Variants in ANO1 observed in about 807,000 individuals in gnomAD.
The protein encoded by ANO1 is anoctamin-1.
A neutral mutation model predicts 124.0 loss-of-function variants in ANO1; 59 were observed. The ratio of observed to expected loss-of-function variants is 0.48; its 90% CI spans 0.39 to 0.59. ANO1 has a LOEUF of 0.59. Ranked by LOEUF, ANO1 falls within the 20% of genes least tolerant of loss-of-function variation. ANO1 has a pLI of 0.00. For missense variants in ANO1, 1,059 were observed against 1,328.0 expected, an observed-to-expected ratio of 0.80 and a Z score of 3.15; for synonymous variants, 529 against 532.0, an observed-to-expected ratio of 0.99 and a Z score of 0.08.
At chr11:70,005,782 C>G (rs777205634) in intron 1 of ANO1, among the ~76,000 whole-genome samples, 1 of 152,122 alleles carries the variant, frequency 6.6e-6, no homozygotes, top group Non-Finnish European at 1.5e-5. Flanking sequence ...CTCTCCATCT[C>G]GACCACCAAA....
chr11:70,124,691 G>T (rs2515259), intron 9 of ANO1, among the ~76,000 whole-genome samples: 148,131 of 152,162 alleles, frequency 0.97, 72,235 homozygotes, highest in East Asian at 1. Flanking sequence ...ACTGGGCGGC[G>T]GGAGGGTTTT....
intron 19 of ANO1, among the ~76,000 whole-genome samples, chr11:70,163,825 C>G (rs1447740148): frequency 6.6e-6 from 1 of 151,798 alleles, no homozygotes; most frequent in Non-Finnish European, 1.5e-5. Flanking sequence ...GTAATCCCAC[C>G]TACTCGGGAG....
At chr11:70,072,907 A>T (rs1555009509) in intron 1 of ANO1, 1 of 152,224 alleles carries the variant, frequency 6.6e-6, no homozygotes, top group African/African-American at 2.4e-5. Flanking sequence ...GAGGACCAGG[A>T]CCTGTCCTTC....
chr11:70,188,207 A>G lies in ANO1; in HGVS notation c.*203A>G. 1.5e-6 allele frequency: 1 copy of G among 647,720 alleles called. No homozygotes were observed. Among genetic ancestry groups the G allele is most frequent in the South Asian group, 2.0e-5 (1 of 49,550 alleles). 40.1% of individuals were successfully genotyped at this position (647,720 alleles called of 1,614,324 possible). The stretch of plus-strand genomic sequence containing the variant: ...TTTTGCACAAAGCCATTATGCAGGG[A>G]ATATTTTTTAATCTGTAGTATTCAA... On this transcript the variant is annotated 3_prime_UTR_variant, in exon 26 of 26. Transcript: ENST00000355303.
chr11:70,012,054 G>T, intron 1 of ANO1, among the ~76,000 whole-genome samples: 1 of 138,300 alleles, frequency 7.2e-6, no homozygotes, highest in Middle Eastern at 5.6e-3. Context: ...ATCCATTGTT[G>T]GATCTAACCA....
chr11:69,974,886 CTAAA>C, the ANO1 span, among the ~76,000 whole-genome samples: 1 of 78,554 alleles, frequency 1.3e-5, no homozygotes, highest in African/African-American at 4.0e-5. Flanking sequence ...GCCTCCGTCT[CTAAA>C]AAAAAAAAAA....
intron 1 of ANO1, chr11:70,056,552 C>T (rs190605133): frequency 1.1e-4 from 17 of 151,774 alleles, no homozygotes; most frequent in East Asian, 9.6e-4. Context: ...AAAAAAATAA[C>T]GCAAGAAAAA....
chr11:70,108,526 C>T (rs2135390744), intron 6 of ANO1, 122 bp downstream of exon 6: 1 of 1,117,544 alleles, frequency 8.9e-7, no homozygotes, highest in East Asian at 2.4e-5. Flanking sequence ...TGATTTAAGC[C>T]TGTGTAACAG....
chr11:70,107,373 G>C (rs995676288), intron 5 of ANO1, among the ~76,000 whole-genome samples: 4 of 152,038 alleles, frequency 2.6e-5, no homozygotes, highest in Non-Finnish European at 5.9e-5. Flanking sequence ...AAGGGGACAA[G>C]TGCTTCTGGG....
Position 70,094,574 on chromosome 11 carries a change from T to C in ANO1, c.441+6490T>C, listed in dbSNP as rs114940862. The stretch of plus-strand genomic sequence containing the variant: ...GTGGGCTTCCTACCAGAACCATGAG[T>C]AGGTAGGGCAGAATTTCGATCCTGA... On this transcript the variant is annotated intron_variant, in intron 2 of 25. Transcript: ENST00000355303. Among the ~76,000 whole-genome samples the C allele has an allele frequency of 8.4e-3, 1,274 of 152,140 alleles. 23 individuals carry two copies. The highest frequency in any genetic ancestry group is 0.028 in the African/African-American group (1,169 of 41,500).
chr11:70,068,152 C>A (rs939102617), intron 1 of ANO1, among the ~76,000 whole-genome samples: 1 of 152,196 alleles, frequency 6.6e-6, no homozygotes, highest in Non-Finnish European at 1.5e-5. Context: ...GCAGCTTTCC[C>A]CAGCAGCTCC....
intron 1 of ANO1, among the ~76,000 whole-genome samples, chr11:70,079,382 G>C (rs1250382473): frequency 6.6e-6 from 1 of 152,068 alleles, no homozygotes; most frequent in Non-Finnish European, 1.5e-5. Context: ...GCCTGGTTCA[G>C]GTGGGGGCAC....
intron 1 of ANO1, among the ~76,000 whole-genome samples, chr11:70,036,264 C>A (rs187771975): frequency 1.3e-5 from 2 of 152,346 alleles, no homozygotes; most frequent in Admixed American, 1.3e-4. Flanking sequence ...CCAATCTCTG[C>A]CGCTGTCTTT....
upstream of ANO1, among the ~76,000 whole-genome samples, chr11:70,077,768 G>A (rs115028992): frequency 0.016 from 2,458 of 152,292 alleles, 56 homozygotes; most frequent in African/African-American, 0.055. Context: ...ACACACTCAC[G>A]CCCTACATCA....
At chr11:70,034,491 T>C (rs1246845921) in intron 1 of ANO1, among the ~76,000 whole-genome samples, 1 of 152,154 alleles carries the variant, frequency 6.6e-6, no homozygotes, top group African/African-American at 2.4e-5. Context: ...TCTTTCATGA[T>C]CAAAGCAAAG....
chr11:70,182,577 A>G lies in ANO1; in HGVS notation c.2479A>G (p.Met827Val). 1.2e-6 allele frequency: 2 copies of G among 1,613,736 alleles called. No individual in the cohort carries two copies. Among genetic ancestry groups the G allele is most frequent in the Non-Finnish European group, 8.5e-7 (1 of 1,179,774 alleles). ...YLYMYSKNGT[M>V]HGFVNHTLSS... ...CTACATGTACAGTAAGAACGGGACCATGCACGGCTTCGTCAACCACACCCT... is the reference window on the plus strand; with the variant it reads ...CTACATGTACAGTAAGAACGGGACCGTGCACGGCTTCGTCAACCACACCCT... The change falls in exon 24 of 26, where the codon ATG (methionine) becomes GTG (valine). Residue 827 changes from methionine to valine, a missense_variant. Coordinates refer to ENST00000355303, the MANE Select transcript of ANO1 (RefSeq NM_018043.7).
At chr11:70,177,774 ATT>A (rs1047839183) in intron 22 of ANO1, among the ~76,000 whole-genome samples, 3 of 151,102 alleles carry the variant, frequency 2.0e-5, no homozygotes, top group Admixed American at 2.0e-4. Flanking sequence ...TAATTTTTGT[ATT>A]TTTAATAGAG....
intron 1 of ANO1, among the ~76,000 whole-genome samples, chr11:70,042,891 A>C (rs1273890878): frequency 6.6e-6 from 1 of 152,228 alleles, no homozygotes; most frequent in Non-Finnish European, 1.5e-5. Context: ...ACAGATTCTA[A>C]CACGAATTAA....
Position 70,002,939 on chromosome 11 carries a change from A to G in ANO1, c.58+16773A>G, listed in dbSNP as rs145828798. On this transcript the variant is annotated intron_variant, in intron 1 of 27. Transcript: ENST00000531349. Reference sequence around the variant, plus strand: ...ATTATAAATATTCTAGAAGAAAATAAGATGGACACTTACATTATCTTCAGG... The same window carrying G: ...ATTATAAATATTCTAGAAGAAAATAGGATGGACACTTACATTATCTTCAGG... Among the ~76,000 whole-genome samples the G allele has an allele frequency of 5.5e-3, 841 of 152,330 alleles. 8 individuals are homozygous for G. The highest frequency in any genetic ancestry group is 0.018 in the African/African-American group (741 of 41,576).
Sources: allele counts gnomAD v4.1 joint callset (sites outside exome capture counted in the v4.1 genomes callset), GRCh38; gene constraint gnomAD v4.1.1; transcripts MANE v1.5; gene names NCBI Gene and HGNC (gene_info 2026-07-23, HGNC 2026-07-21).